Variants in SORBS2 observed in about 807,000 individuals in gnomAD.
SORBS2 encodes the protein sorbin and SH3 domain-containing protein 2.
Under a neutral mutation model 97.7 loss-of-function variants are expected in SORBS2, and 46 were observed. That is an observed-to-expected ratio of 0.47 (90% CI 0.37 to 0.60). The LOEUF (loss-of-function observed/expected upper bound fraction) is 0.60, where lower values mean the gene tolerates loss of function less well. SORBS2 is among the 20% of genes least tolerant of loss of function. SORBS2 has a pLI of 0.00. For missense variants in SORBS2, 1,316 were observed against 1,282.3 expected (o/e 1.03, Z -0.40); for synonymous variants, 476 against 473.4 (o/e 1.01, Z -0.07).
intron 4 of SORBS2, chr4:185,677,251 T>G (rs757904729): frequency 6.4e-7 from 1 of 1,551,892 alleles, no homozygotes; most frequent in East Asian, 2.4e-5. Flanking sequence ...GGAGTACTAA[T>G]GGGGCTGCTA....
chr4:185,703,347 TTTTTA>T (rs1322435475), intron 2 of SORBS2, among the ~76,000 whole-genome samples: 1 of 152,176 alleles, frequency 6.6e-6, no homozygotes, highest in African/African-American at 2.4e-5. Context: ...ATTGATTCTT[TTTTTA>T]TTCTGTTAGA....
At chr4:185,691,999 G>A (rs1485257037) in intron 2 of SORBS2, among the ~76,000 whole-genome samples, 1 of 152,144 alleles carries the variant, frequency 6.6e-6, no homozygotes, top group Non-Finnish European at 1.5e-5. Flanking sequence ...CGCCCGCCTC[G>A]GCCTCCCAAA....
chr4:185,866,619 A>G lies in SORBS2; in HGVS notation c.-338+89577T>C, dbSNP rs2099227040. Reference sequence around the variant, plus strand: ...AATTATTTCTAGGCAAAACAGAGACAGTTTCACCTCATTTCTCTTTTTTCT... The same window carrying G: ...AATTATTTCTAGGCAAAACAGAGACGGTTTCACCTCATTTCTCTTTTTTCT... On this transcript the variant is annotated intron_variant, in intron 1 of 20. Transcript: ENST00000284776. Among the ~76,000 whole-genome samples, 4 of 152,228 alleles carry G rather than the reference A, an allele frequency of 2.6e-5. No homozygotes were observed. In the South Asian group the frequency reaches 8.3e-4, roughly 32 times the overall value.
At chr4:185,664,155 A>G (rs1358910164) in intron 4 of SORBS2, among the ~76,000 whole-genome samples, 1 of 152,156 alleles carries the variant, frequency 6.6e-6, no homozygotes, top group Non-Finnish European at 1.5e-5. Flanking sequence ...CGCCCGGCCT[A>G]GATTTATTCT....
chr4:185,628,577 C>T (rs915847430), intron 5 of SORBS2, among the ~76,000 whole-genome samples: 6 of 152,166 alleles, frequency 3.9e-5, no homozygotes, highest in African/African-American at 1.4e-4. Context: ...CCTAGTGAGA[C>T]TCTGTCTCTA....
rs188326806 is a variant in SORBS2, at chr4:185,717,676, G to A, written c.-197-38854C>T. 2.3e-3 allele frequency among the ~76,000 whole-genome samples: 355 copies of A among 152,274 alleles called. 1 individual carries two copies. The highest frequency in any genetic ancestry group is 8.2e-3 in the African/African-American group (340 of 41,542). On this transcript the variant is annotated intron_variant, in intron 2 of 20. Coordinates refer to the SORBS2 transcript ENST00000284776. Reference sequence around the variant, plus strand: ...CCTGGATTGAGGTAAAGTAGAAAAAGACTGTGATACTTCTGAGCCCAAGAC... The same window carrying A: ...CCTGGATTGAGGTAAAGTAGAAAAAAACTGTGATACTTCTGAGCCCAAGAC...
intron 2 of SORBS2, among the ~76,000 whole-genome samples, chr4:185,731,713 T>C (rs1441454133): frequency 1.0e-5 from 1 of 97,132 alleles, no homozygotes; most frequent in Non-Finnish European, 2.1e-5. Flanking sequence ...CCTGTCTCTC[T>C]CCCTCCCTCC....
At chr4:185,780,043 T>C (rs1466913022) in intron 1 of SORBS2, among the ~76,000 whole-genome samples, 14 of 136,612 alleles carry the variant, frequency 1.0e-4, no homozygotes, top group African/African-American at 3.5e-4. Flanking sequence ...GAGACGGAGT[T>C]TTGCTCTTGT....
At chr4:185,788,610 A>G (rs1190500065) in intron 1 of SORBS2, among the ~76,000 whole-genome samples, 1 of 152,218 alleles carries the variant, frequency 6.6e-6, no homozygotes, top group Non-Finnish European at 1.5e-5. Flanking sequence ...AGTTCACTTT[A>G]TAGCATTATA....
intron 1 of SORBS2, among the ~76,000 whole-genome samples, chr4:185,869,385 G>C (rs2099229134): frequency 6.6e-6 from 1 of 152,126 alleles, no homozygotes; most frequent in Non-Finnish European, 1.5e-5. Context: ...AGTAGATATA[G>C]GCAGATCAAG....
intron 4 of SORBS2, among the ~76,000 whole-genome samples, chr4:185,633,104 T>C (rs528651475): frequency 8.5e-5 from 13 of 152,322 alleles, no homozygotes; most frequent in Non-Finnish European, 1.3e-4. Context: ...GAATCACTCT[T>C]TCTGTTAAGT....
chr4:185,930,491 G>A (rs1207559554), intron 1 of SORBS2, among the ~76,000 whole-genome samples: 1 of 152,084 alleles, frequency 6.6e-6, no homozygotes, highest in Non-Finnish European at 1.5e-5. Context: ...GTACAGACAG[G>A]GTTTCACCGT....
chr4:185,594,151 T>C, intron 12 of SORBS2: 1 of 549,708 alleles, frequency 1.8e-6, no homozygotes. Context: ...AGGTCAAATG[T>C]TTTGAACATG....
At position 185,651,433 on chromosome 4, in the gene SORBS2, C is replaced by T. The variant is rs551258857; in HGVS notation, c.91+1229G>A. The stretch of plus-strand genomic sequence containing the variant: ...TTTTGGTGAAGTGTATCTGAAAGAT[C>T]TTACACAATTGTAATCATTCTCTCT... On this transcript the variant is annotated intron_variant, in intron 2 of 14. Transcript: ENST00000418609. 1.1e-3 allele frequency among the ~76,000 whole-genome samples: 173 copies of T among 152,322 alleles called. 3 individuals carry two copies. The South Asian group carries it at 0.017, about 15-fold the overall frequency.
chr4:185,635,808 G>T (rs950423343), intron 4 of SORBS2, among the ~76,000 whole-genome samples: 7 of 151,958 alleles, frequency 4.6e-5, no homozygotes, highest in African/African-American at 1.5e-4. Flanking sequence ...GATAACTTAG[G>T]CTCAGTACAG....
intron 2 of SORBS2, among the ~76,000 whole-genome samples, chr4:185,764,870 T>C (rs575179185): frequency 2.0e-5 from 3 of 152,268 alleles, no homozygotes; most frequent in African/African-American, 7.2e-5. Context: ...GGAAGTGCCT[T>C]CCTACCTCCA....
chr4:185,898,723 G>T (rs1459661442), intron 1 of SORBS2, among the ~76,000 whole-genome samples: 1 of 152,204 alleles, frequency 6.6e-6, no homozygotes, highest in Non-Finnish European at 1.5e-5. Context: ...TATGGAGAGG[G>T]CGTCAGTTTA....
chr4:185,720,620 G>A (rs367552550), intron 2 of SORBS2, among the ~76,000 whole-genome samples: 35 of 152,016 alleles, frequency 2.3e-4, no homozygotes, highest in Non-Finnish European at 3.8e-4. Flanking sequence ...CTGGGCCTCC[G>A]GTACCCAGGT....
intron 2 of SORBS2, among the ~76,000 whole-genome samples, chr4:185,755,192 C>T (rs745742079): frequency 6.6e-5 from 10 of 152,248 alleles, no homozygotes; most frequent in Non-Finnish European, 1.3e-4. Context: ...CTCTGTCAAA[C>T]AGTCAGCATG....
Sources: allele counts gnomAD v4.1 joint callset (sites outside exome capture counted in the v4.1 genomes callset), GRCh38; gene constraint gnomAD v4.1.1; transcripts MANE v1.5; gene names NCBI Gene and HGNC (gene_info 2026-07-23, HGNC 2026-07-21).